Variants in C12orf42 observed in about 807,000 individuals in gnomAD.
C12orf42 encodes the protein chromosome 12 open reading frame 42, also known as uncharacterized protein C12orf42.
In C12orf42, 25 loss-of-function variants were observed where a neutral mutation model predicts 21.6. The observed-to-expected ratio is 1.16, with a 90% CI of 0.84 to 1.62. The LOEUF is 1.62. Among genes scored for constraint, C12orf42 ranks in the 40% most tolerant of loss-of-function variants. The pLI, the probability that C12orf42 is intolerant of heterozygous loss-of-function variation, is 0.00. For missense variants in C12orf42, 483 were observed against 459.3 expected (o/e 1.05, Z -0.47); for synonymous variants, 174 against 175.0 (o/e 0.99, Z 0.05).
At chr12:103,233,863 A>C (rs185909465), downstream of C12orf42, among the ~76,000 whole-genome samples, 1 of 152,316 alleles carries the variant, frequency 6.6e-6, no homozygotes, top group East Asian at 1.9e-4. Context: ...ATCGAAAAGA[A>C]GTGGTGAAAA....
the C12orf42 span, among the ~76,000 whole-genome samples, chr12:103,159,228 T>C: frequency 6.6e-6 from 1 of 152,248 alleles, no homozygotes; most frequent in Non-Finnish European, 1.5e-5. Flanking sequence ...GACAAACTTC[T>C]ATCCCTGCAC....
chr12:103,127,733 G>A, the C12orf42 span, among the ~76,000 whole-genome samples: 3 of 152,120 alleles, frequency 2.0e-5, no homozygotes, highest in Non-Finnish European at 2.9e-5. Flanking sequence ...ACCTCCCTAC[G>A]ACACATAATT....
chr12:103,118,067 T>A, the C12orf42 span, among the ~76,000 whole-genome samples: 9 of 152,206 alleles, frequency 5.9e-5, no homozygotes, highest in African/African-American at 2.2e-4. Flanking sequence ...GAATTTATAA[T>A]CCTAATAAGT....
chr12:103,426,473 A>G (rs1949818614), intron 2 of C12orf42, among the ~76,000 whole-genome samples: 2 of 152,240 alleles, frequency 1.3e-5, no homozygotes, highest in Non-Finnish European at 2.9e-5. Flanking sequence ...AAAAGACCAA[A>G]CCTACGTTTG....
At chr12:103,048,272 C>T in the C12orf42 span, among the ~76,000 whole-genome samples, 17 of 152,196 alleles carry the variant, frequency 1.1e-4, no homozygotes, top group Admixed American at 7.2e-4. Context: ...TCACCTCTAA[C>T]GGCAATCATG....
At chr12:103,329,564 A>G (rs1042925403) in intron 4 of C12orf42, among the ~76,000 whole-genome samples, 1 of 152,140 alleles carries the variant, frequency 6.6e-6, no homozygotes, top group Non-Finnish European at 1.5e-5. Flanking sequence ...TAAAATTAAA[A>G]AAAGAATTAA....
chr12:103,427,170 G>A (rs761016391), intron 2 of C12orf42, among the ~76,000 whole-genome samples: 11 of 151,392 alleles, frequency 7.3e-5, no homozygotes, highest in Non-Finnish European at 1.5e-4. Flanking sequence ...TGGCAAACTG[G>A]ATAAAGAGTC....
intron 4 of C12orf42, among the ~76,000 whole-genome samples, chr12:103,315,871 C>T (rs1470558190): frequency 6.7e-6 from 1 of 149,810 alleles, no homozygotes; most frequent in East Asian, 2.0e-4. Flanking sequence ...AGTGGTTTTA[C>T]CACAAAAAAT....
At chr12:103,170,463 A>G in the C12orf42 span, among the ~76,000 whole-genome samples, 1 of 151,986 alleles carries the variant, frequency 6.6e-6, no homozygotes, top group East Asian at 1.9e-4. Context: ...TGACCACTTT[A>G]TACTTCCCCA....
At chr12:103,224,069 C>T in the C12orf42 span, among the ~76,000 whole-genome samples, 50,731 of 151,562 alleles carry the variant, frequency 0.33, 8,927 homozygotes, top group South Asian at 0.42. Context: ...TCTGACAGAA[C>T]GGAAGAAATG....
At chr12:103,306,689 T>C (rs901002211) in intron 4 of C12orf42, among the ~76,000 whole-genome samples, 15 of 152,324 alleles carry the variant, frequency 9.8e-5, no homozygotes, top group Admixed American at 9.1e-4. Flanking sequence ...TTGAGGCTTA[T>C]GGGTTGAATT....
chr12:103,471,394 G>A (rs78321773), intron 2 of C12orf42, among the ~76,000 whole-genome samples: 1,565 of 152,256 alleles, frequency 0.01, 33 homozygotes, highest in African/African-American at 0.036. Flanking sequence ...CCACATCTCT[G>A]ATGTAAAGCA....
At chr12:103,467,533 TC>T (rs1413319385) in intron 2 of C12orf42, among the ~76,000 whole-genome samples, 1 of 152,076 alleles carries the variant, frequency 6.6e-6, no homozygotes, top group Non-Finnish European at 1.5e-5. Flanking sequence ...GGAGTGAGGG[TC>T]CTGCCCTCAG....
the C12orf42 span, among the ~76,000 whole-genome samples, chr12:103,187,741 G>A: frequency 1.1e-4 from 16 of 152,134 alleles, no homozygotes; most frequent in Non-Finnish European, 2.2e-4. Flanking sequence ...AGCAGCAGCT[G>A]CATCAAGATT....
the C12orf42 span, among the ~76,000 whole-genome samples, chr12:103,116,897 AATTTT>A: frequency 3.7e-4 from 56 of 152,256 alleles, no homozygotes; most frequent in East Asian, 0.011. Context: ...TTTTAAATTT[AATTTT>A]ATCTTTTAAT....
chr12:103,347,608 C>A (rs1349687062), intron 4 of C12orf42, among the ~76,000 whole-genome samples: 1 of 152,100 alleles, frequency 6.6e-6, no homozygotes, highest in African/African-American at 2.4e-5. Flanking sequence ...GTGCCATCTA[C>A]CAGCCATCAT....
chr12:103,547,862 A>G, the C12orf42 span: 65 of 152,326 alleles, frequency 4.3e-4, no homozygotes, highest in African/African-American at 1.5e-3. Context: ...CCTTGAGTGT[A>G]CAATGGAGAG....
At chr12:103,276,853 C>G (rs571083947) in intron 5 of C12orf42, among the ~76,000 whole-genome samples, 1 of 152,270 alleles carries the variant, frequency 6.6e-6, no homozygotes, top group South Asian at 2.1e-4. Flanking sequence ...CCCTCCTCAT[C>G]ATCCTCCTTC....
chr12:103,284,116 G>C (rs1324976937), intron 4 of C12orf42, among the ~76,000 whole-genome samples: 1 of 152,152 alleles, frequency 6.6e-6, no homozygotes, highest in East Asian at 1.9e-4. Flanking sequence ...TGACACCTGA[G>C]TGCTCCTAAT....
Sources: gnomAD v4.1 joint callset for allele counts (sites outside exome capture counted in the v4.1 genomes callset) on GRCh38, gnomAD v4.1.1 for gene constraint, MANE v1.5 for transcripts, NCBI Gene and HGNC (gene_info 2026-07-23, HGNC 2026-07-21) for gene names.